The following TTC17 variants were observed in gnomAD, a reference collection of about 807,000 sequenced individuals.
TTC17 encodes tetratricopeptide repeat protein 17.
Under a neutral mutation model 143.8 loss-of-function variants are expected in TTC17, and 58 were observed. The ratio of observed to expected loss-of-function variants is 0.40; its 90% confidence interval spans 0.33 to 0.50. The LOEUF is 0.50. TTC17 is among the 20% of genes least tolerant of loss of function. The pLI, the probability that TTC17 is intolerant of heterozygous loss-of-function variation, is 0.49. For missense variants in TTC17, 1,273 were observed against 1,392.5 expected, an observed-to-expected ratio of 0.91 and a Z score of 1.37; for synonymous variants, 501 against 497.8, an observed-to-expected ratio of 1.01 and a Z score of -0.09.
chr11:43,439,470 G>GTTTTTTTTTTTTTTTTTGT (rs370245266), intron 16 of TTC17, among the ~76,000 whole-genome samples: 1 of 137,936 alleles, frequency 7.2e-6, no homozygotes. Flanking sequence ...TTTTTTTTTG[G>GTTTTTTTTTTTTTTTTTGT]TTTTTTTTTT....
At chr11:43,404,400 GTAT>G (rs1159838696) in intron 11 of TTC17, among the ~76,000 whole-genome samples, 3 of 152,168 alleles carry the variant, frequency 2.0e-5, no homozygotes, top group Non-Finnish European at 2.9e-5. Flanking sequence ...TATCCTCTGA[GTAT>G]TATTACCAAC....
intron 21 of TTC17, among the ~76,000 whole-genome samples, chr11:43,470,918 A>G (rs1948079818): frequency 6.6e-6 from 1 of 152,226 alleles, no homozygotes; most frequent in Admixed American, 6.5e-5. Flanking sequence ...CCTGTTTACT[A>G]AAGGGTCCCC....
intron 1 of TTC17, among the ~76,000 whole-genome samples, chr11:43,374,155 TA>T (rs1241746397): frequency 6.6e-6 from 1 of 152,052 alleles, no homozygotes; most frequent in Non-Finnish European, 1.5e-5. Context: ...AAGAAATACA[TA>T]AAAAAATTTT....
intron 15 of TTC17, among the ~76,000 whole-genome samples, chr11:43,410,509 T>G (rs1858360854): frequency 6.6e-6 from 1 of 152,204 alleles, no homozygotes; most frequent in Non-Finnish European, 1.5e-5. Context: ...AGGTCTATGA[T>G]TCATTTCAAG....
At chr11:43,420,860 A>G (rs1275127167) in intron 16 of TTC17, among the ~76,000 whole-genome samples, 2 of 152,204 alleles carry the variant, frequency 1.3e-5, no homozygotes, top group Non-Finnish European at 1.5e-5. Context: ...TCCAGTCATT[A>G]TAGGTTGTTA....
intron 16 of TTC17, among the ~76,000 whole-genome samples, chr11:43,434,451 C>T (rs1947239384): frequency 6.6e-6 from 1 of 152,136 alleles, no homozygotes; most frequent in Non-Finnish European, 1.5e-5. Context: ...TAAACCTGAT[C>T]CAGATCTCAG....
chr11:43,479,164 C>T (rs112625066), intron 21 of TTC17, among the ~76,000 whole-genome samples: 6,095 of 151,612 alleles, frequency 0.04, 182 homozygotes, highest in African/African-American at 0.083. Flanking sequence ...AGCTTGAACC[C>T]GGGAGGCAGA....
intron 9 of TTC17, among the ~76,000 whole-genome samples, chr11:43,400,662 A>G (rs1857814038): frequency 6.6e-6 from 1 of 152,202 alleles, no homozygotes; most frequent in Non-Finnish European, 1.5e-5. Flanking sequence ...CTCCAAAATT[A>G]TATGTAGAAT....
chr11:43,485,804 G>A (rs773245935), intron 21 of TTC17, among the ~76,000 whole-genome samples: 10 of 151,620 alleles, frequency 6.6e-5, no homozygotes, highest in Non-Finnish European at 1.3e-4. Context: ...GGATCAAGAG[G>A]TCCTTTTAAA....
At chr11:43,431,760 A>G (rs1335801135) in intron 16 of TTC17, among the ~76,000 whole-genome samples, 1 of 152,248 alleles carries the variant, frequency 6.6e-6, no homozygotes, top group Non-Finnish European at 1.5e-5. Flanking sequence ...GGCTGAAGTA[A>G]GAGGATCACT....
At position 43,397,369 on chromosome 11, in the gene TTC17, G is replaced by C. The variant is rs1220466181; in HGVS notation, c.796G>C (p.Val266Leu). The C allele has an allele frequency of 5.6e-6, 9 of 1,610,992 alleles. No homozygotes were observed. The highest frequency in any genetic ancestry group is 1.3e-5 in the African/African-American group (1 of 74,970). Residue 266 changes from valine to leucine, a missense_variant, in exon 7 of 24, where the codon GTC (valine) becomes CTC (leucine). Physicochemically the swap from Val to Leu is conservative, Grantham distance 32. This residue lies in a region of TTC17 where 325 missense variants were observed against 444.2 expected (regional missense o/e 0.73). Transcript: ENST00000039989. ...SSRHNKDIAL[V>L]NLANVLHRAH... ...TAGGCACAATAAAGACATTGCCCTG[G>C]TCAACCTGGCAAACGTTCTACACAG...
intron 23 of TTC17, 64 bp from the exon 24 acceptor site, chr11:43,493,709 G>A: frequency 6.2e-7 from 1 of 1,610,326 alleles, no homozygotes; most frequent in South Asian, 1.1e-5. Flanking sequence ...AGAAAAAAGA[G>A]GTCACAGTAT....
chr11:43,425,046 C>T (rs1015955460), intron 16 of TTC17, among the ~76,000 whole-genome samples: 18 of 152,130 alleles, frequency 1.2e-4, no homozygotes, highest in Non-Finnish European at 1.0e-4. Flanking sequence ...TGCATGTTGT[C>T]TAAATCTTGA....
At chr11:43,414,802 A>G in intron 16 of TTC17, 26 bp downstream of exon 16, 13 of 1,603,000 alleles carry the variant, frequency 8.1e-6, no homozygotes, top group Non-Finnish European at 1.0e-5. Context: ...ATGCTGACAA[A>G]CTAATGAGCT....
intron 16 of TTC17, chr11:43,436,146 G>A: frequency 7.3e-7 from 1 of 1,370,698 alleles, no homozygotes; most frequent in Non-Finnish European, 9.4e-7. Context: ...TGCTATATCT[G>A]TGTCTCTTGT....
chr11:43,377,813 T>G (rs1856818296), intron 1 of TTC17, among the ~76,000 whole-genome samples: 1 of 152,230 alleles, frequency 6.6e-6, no homozygotes. Flanking sequence ...GTTCTTTCAA[T>G]CTTCATTTAT....
At chr11:43,363,395 C>T (rs929884266) in intron 1 of TTC17, among the ~76,000 whole-genome samples, 2 of 152,140 alleles carry the variant, frequency 1.3e-5, no homozygotes, top group African/African-American at 4.8e-5. Context: ...ATGTTCCATG[C>T]TCTAGGTAGC....
At chr11:43,406,058 G>A (rs1858115963) in intron 13 of TTC17, 107 bp downstream of exon 13, 4 of 1,277,352 alleles carry the variant, frequency 3.1e-6, no homozygotes, top group Non-Finnish European at 3.2e-6. Flanking sequence ...AGCTTTAAGT[G>A]TATAAAATGG....
In TTC17 at chr11:43,359,138, TC is replaced by T. The variant is rs1350359609; in HGVS notation, c.159+28del. 13 of 1,557,422 alleles carry T rather than the reference TC, an allele frequency of 8.3e-6. No homozygotes were observed. In the African/African-American group the frequency reaches 1.8e-4, roughly 22 times the overall value. The stretch of plus-strand genomic sequence containing the variant: ...GGTAGCGGCCGGGGCGTCCCTCTTC[TC>T]CCGTGCCCGCCCTCGCCCCGGGGGG... On this transcript the variant is annotated intron_variant, in intron 1 of 23. Transcript: ENST00000039989.
Sources: gnomAD v4.1 joint callset for allele counts (sites outside exome capture counted in the v4.1 genomes callset) on GRCh38, gnomAD v4.1.1 for gene constraint, gnomAD v4.1.1 regional missense constraint, MANE v1.5 for transcripts, NCBI Gene and HGNC (gene_info 2026-07-23, HGNC 2026-07-21) for gene names.